The following NYAP2 variants were observed in gnomAD, a reference collection of about 807,000 sequenced individuals.
NYAP2 encodes the protein neuronal tyrosine-phosphorylated phosphoinositide-3-kinase adaptor 2.
NYAP2 carries 23 observed loss-of-function variants against 50.4 expected under a neutral mutation model. The ratio of observed to expected loss-of-function variants is 0.46; its 90% CI spans 0.33 to 0.65. NYAP2 has a LOEUF of 0.65. NYAP2 is among the 30% of genes least tolerant of loss of function. NYAP2 has a pLI of 0.02. For synonymous variants in NYAP2, 394 were observed against 365.2 expected (o/e 1.08, Z -0.90); for missense variants, 885 against 861.0 (o/e 1.03, Z -0.35).
chr2:225,496,634 G>A (rs1180891223), intron 3 of NYAP2, among the ~76,000 whole-genome samples: 3 of 152,150 alleles, frequency 2.0e-5, no homozygotes, highest in East Asian at 3.9e-4. Context: ...TAAGTTAATT[G>A]TCCTCCTTAA....
rs1574693558 is a variant in NYAP2 at position 225,584,373 on chromosome 2, T to A, written c.1618+1338T>A. Among the ~76,000 whole-genome samples the A allele has an allele frequency of 2.6e-5, 4 of 152,350 alleles. No individual in the cohort carries two copies. The East Asian group carries it at 7.7e-4, about 29-fold the overall frequency. On this transcript the variant is annotated intron_variant, in intron 5 of 6. Transcript: ENST00000636099. Reference sequence around the variant, plus strand: ...AGACCAGGAAATTTATCTATCTGAATGACTAACACCTTTATGAGTATTAAA... The same window carrying A: ...AGACCAGGAAATTTATCTATCTGAAAGACTAACACCTTTATGAGTATTAAA...
the NYAP2 span, among the ~76,000 whole-genome samples, chr2:225,681,201 A>G: frequency 6.6e-6 from 1 of 152,204 alleles, no homozygotes; most frequent in East Asian, 1.9e-4. Context: ...GCCATTCCTG[A>G]GAAACTCTGT....
intron 3 of NYAP2, among the ~76,000 whole-genome samples, chr2:225,500,381 T>C (rs774852738): frequency 4.6e-5 from 7 of 152,232 alleles, no homozygotes; most frequent in Non-Finnish European, 1.0e-4. Flanking sequence ...TTTGCTTCCT[T>C]GGTAGTTCAT....
chr2:225,640,970 C>CAATT (rs1693517163), intron 6 of NYAP2, among the ~76,000 whole-genome samples: 1 of 152,132 alleles, frequency 6.6e-6, no homozygotes, highest in African/African-American at 2.4e-5. Context: ...TTGGGGAAAA[C>CAATT]AATTAGGTAG....
intron 5 of NYAP2, among the ~76,000 whole-genome samples, chr2:225,602,263 G>A (rs1215398723): frequency 6.6e-6 from 1 of 152,162 alleles, no homozygotes; most frequent in Admixed American, 6.5e-5. Flanking sequence ...TTTACCCTAT[G>A]TAAATGAAGA....
rs377149127 is a variant in NYAP2, at chr2:225,513,963, T to A, written c.523+291T>A. 2.0e-5 allele frequency among the ~76,000 whole-genome samples: 3 copies of A among 152,258 alleles called. No homozygotes were observed. The East Asian group carries it at 5.8e-4, about 29-fold the overall frequency. On this transcript the variant is annotated intron_variant, in intron 4 of 6. Transcript: ENST00000636099. ...TGCCCAGAAATATATCTAAAAGTTA[T>A]ATTTTCTTATACTATTTATACAATT... is the stretch of plus-strand genomic sequence containing the variant.
chr2:225,600,734 A>G (rs1185932719), intron 5 of NYAP2, among the ~76,000 whole-genome samples: 1 of 152,144 alleles, frequency 6.6e-6, no homozygotes, highest in Non-Finnish European at 1.5e-5. Flanking sequence ...AATAATTCCC[A>G]ATCCCCTCTT....
chr2:225,674,833 G>A, the NYAP2 span, among the ~76,000 whole-genome samples: 1 of 152,104 alleles, frequency 6.6e-6, no homozygotes, highest in Non-Finnish European at 1.5e-5. Flanking sequence ...CTTTGCCAAA[G>A]GCATGAGGTC....
At chr2:225,489,717 T>G (rs746619508) in intron 3 of NYAP2, among the ~76,000 whole-genome samples, 9 of 152,174 alleles carry the variant, frequency 5.9e-5, no homozygotes, top group African/African-American at 9.6e-5. Context: ...GTATCCTCCT[T>G]CTGAAAACGG....
At chr2:225,447,485 G>A (rs1689580961) in intron 3 of NYAP2, among the ~76,000 whole-genome samples, 1 of 152,012 alleles carries the variant, frequency 6.6e-6, no homozygotes, top group South Asian at 2.1e-4. Context: ...AGACAATATG[G>A]AGCTTCTATA....
intron 4 of NYAP2, among the ~76,000 whole-genome samples, chr2:225,550,025 G>A (rs73089034): frequency 0.028 from 4,162 of 147,724 alleles, 182 homozygotes; most frequent in African/African-American, 0.095. Context: ...TAGAGAGAGA[G>A]AAAAAAAAAG....
chr2:225,609,041 G>T (rs531338548), intron 5 of NYAP2, among the ~76,000 whole-genome samples: 1 of 151,918 alleles, frequency 6.6e-6, no homozygotes, highest in Non-Finnish European at 1.5e-5. Flanking sequence ...CCTATAGATC[G>T]CTGCCTTTAC....
intron 6 of NYAP2, among the ~76,000 whole-genome samples, chr2:225,635,017 A>G (rs970651893): frequency 1.3e-5 from 2 of 152,194 alleles, no homozygotes; most frequent in African/African-American, 4.8e-5. Flanking sequence ...AAACTTCTAA[A>G]ACATATTTCC....
chr2:225,609,105 A>T (rs898575108), intron 5 of NYAP2, among the ~76,000 whole-genome samples: 1 of 152,126 alleles, frequency 6.6e-6, no homozygotes, highest in Non-Finnish European at 1.5e-5. Flanking sequence ...TCCCTGTAAG[A>T]TATGTCATCT....
At chr2:225,467,103 C>T (rs1443584027) in intron 3 of NYAP2, among the ~76,000 whole-genome samples, 1 of 152,104 alleles carries the variant, frequency 6.6e-6, no homozygotes, top group African/African-American at 2.4e-5. Flanking sequence ...TGTCTGCCTG[C>T]GCAGTGGCCT....
intron 2 of NYAP2, among the ~76,000 whole-genome samples, chr2:225,404,108 C>A (rs532218585): frequency 1.3e-5 from 2 of 152,034 alleles, no homozygotes; most frequent in South Asian, 2.1e-4. Context: ...ACATTAAATA[C>A]CCTCTGGTAG....
chr2:225,700,977 G>C, the NYAP2 span: 5 of 151,654 alleles, frequency 3.3e-5, no homozygotes, highest in Non-Finnish European at 5.9e-5. Context: ...TTTCTGAGGC[G>C]GTAACTTGTT....
chr2:225,572,086 C>A (rs1169785312), intron 4 of NYAP2, among the ~76,000 whole-genome samples: 1 of 152,222 alleles, frequency 6.6e-6, no homozygotes, highest in African/African-American at 2.4e-5. Flanking sequence ...ACCACTTCAG[C>A]CTGCACTTCA....
intron 5 of NYAP2, among the ~76,000 whole-genome samples, chr2:225,602,563 C>T (rs1246959818): frequency 1.3e-5 from 2 of 152,000 alleles, no homozygotes; most frequent in African/African-American, 2.4e-5. Flanking sequence ...GAATATTTTC[C>T]CCTGCATTTT....
Sources: gnomAD v4.1 joint callset for allele counts (sites outside exome capture counted in the v4.1 genomes callset) on GRCh38, gnomAD v4.1.1 for gene constraint, MANE v1.5 for transcripts, NCBI Gene and HGNC (gene_info 2026-07-23, HGNC 2026-07-21) for gene names.